The following DGKI variants were observed in gnomAD, a reference collection of about 807,000 sequenced individuals.
The protein encoded by DGKI is diacylglycerol kinase iota, also known as DAG kinase iota.
A neutral mutation model predicts 147.5 loss-of-function variants in DGKI; 55 were observed. That is an observed-to-expected ratio of 0.37 (90% CI 0.30 to 0.47). The LOEUF (loss-of-function observed/expected upper bound fraction) is 0.47. Among genes scored for constraint, DGKI ranks in the 20% least tolerant of loss-of-function variants. The probability of loss-of-function intolerance (pLI) is 1.00; values close to 1 mark genes in which losing one functional copy is unlikely to be tolerated. For synonymous variants in DGKI, 469 were observed against 477.1 expected (o/e 0.98, Z 0.22); for missense variants, 1,007 against 1,323.8 (o/e 0.76, Z 3.71).
intron 30 of DGKI, among the ~76,000 whole-genome samples, chr7:137,398,888 A>G (rs1041733860): frequency 6.6e-6 from 1 of 152,022 alleles, no homozygotes; most frequent in Non-Finnish European, 1.5e-5. Context: ...TATATCATCT[A>G]GATTTCTAGG....
chr7:137,495,809 C>A (rs775803792), intron 21 of DGKI, among the ~76,000 whole-genome samples: 28 of 152,200 alleles, frequency 1.8e-4, no homozygotes, highest in Non-Finnish European at 3.5e-4. Context: ...GAACATGCTT[C>A]AAAATAATAA....
chr7:137,534,427 C>G (rs1001295959), intron 20 of DGKI, among the ~76,000 whole-genome samples: 3 of 151,838 alleles, frequency 2.0e-5, no homozygotes, highest in Non-Finnish European at 4.4e-5. Flanking sequence ...TTTTCCTTCC[C>G]GTTTATAGTC....
chr7:137,718,172 G>A (rs973567953), intron 1 of DGKI, among the ~76,000 whole-genome samples: 18 of 152,252 alleles, frequency 1.2e-4, no homozygotes, highest in South Asian at 8.3e-4. Flanking sequence ...AGTGAGCAAC[G>A]GGGCATCCAC....
At chr7:137,447,843 A>G (rs1314591579) in intron 27 of DGKI, among the ~76,000 whole-genome samples, 5 of 152,350 alleles carry the variant, frequency 3.3e-5, no homozygotes, top group Admixed American at 6.5e-5. Flanking sequence ...ATTAAAAGGC[A>G]GAGCTCAAGT....
intron 1 of DGKI, among the ~76,000 whole-genome samples, chr7:137,753,036 G>A (rs1005123377): frequency 8.0e-6 from 1 of 124,986 alleles, no homozygotes; most frequent in Non-Finnish European, 1.6e-5. Flanking sequence ...TAGTACATAC[G>A]AATGTACATA....
In DGKI at chr7:137,459,320, G is replaced by A. The variant is rs1446739938; in HGVS notation, c.2735+4169C>T. ...GTTGCAATTTGGAGGAGAAAGGGCC[G>A]CTTGGCACAAAAATGCCCTGGGTGC... On this transcript the variant is annotated intron_variant, in intron 27 of 32. Coordinates refer to ENST00000614521, the MANE Select transcript of DGKI (RefSeq NM_001321708.2). Among the ~76,000 whole-genome samples the A allele has an allele frequency of 2.0e-5, 3 of 152,014 alleles. No homozygotes were observed. The South Asian group carries it at 6.2e-4, about 32-fold the overall frequency.
At chr7:137,704,534 C>T (rs1260523081) in intron 1 of DGKI, among the ~76,000 whole-genome samples, 2 of 151,920 alleles carry the variant, frequency 1.3e-5, no homozygotes, top group African/African-American at 4.8e-5. Context: ...GACCGTCAAG[C>T]ATACCAGCAT....
chr7:137,583,751 T>C (rs1005063081), intron 14 of DGKI, among the ~76,000 whole-genome samples: 5 of 152,154 alleles, frequency 3.3e-5, no homozygotes, highest in South Asian at 2.1e-4. Flanking sequence ...AATATCCATA[T>C]GGTACTCTTC....
At chr7:137,534,100 A>C (rs1319888100) in intron 20 of DGKI, among the ~76,000 whole-genome samples, 3 of 152,260 alleles carry the variant, frequency 2.0e-5, no homozygotes. Context: ...AATGAAACGC[A>C]CCTCACACTT....
At chr7:137,506,697 T>C (rs1277284013) in intron 21 of DGKI, among the ~76,000 whole-genome samples, 1 of 152,024 alleles carries the variant, frequency 6.6e-6, no homozygotes, top group Non-Finnish European at 1.5e-5. Context: ...TGTGGATAGG[T>C]TGCGGTAGGG....
At chr7:137,405,634 T>G (rs761680914) in intron 30 of DGKI, among the ~76,000 whole-genome samples, 6 of 152,206 alleles carry the variant, frequency 3.9e-5, no homozygotes, top group Non-Finnish European at 8.8e-5. Context: ...AAATCTGGGC[T>G]GGCCCTGTGA....
At chr7:137,447,806 G>A (rs914372016) in intron 27 of DGKI, among the ~76,000 whole-genome samples, 2 of 152,204 alleles carry the variant, frequency 1.3e-5, no homozygotes, top group African/African-American at 4.8e-5. Flanking sequence ...GCAGTGGAGA[G>A]TGAACCATAA....
intron 31 of DGKI, among the ~76,000 whole-genome samples, 190 bp downstream of exon 31, chr7:137,397,187 T>C (rs891520716): frequency 2.0e-5 from 3 of 152,238 alleles, no homozygotes; most frequent in East Asian, 1.9e-4. Flanking sequence ...ATTATGACAA[T>C]TGTCATCAAT....
At chr7:137,746,914 G>A (rs1242198720) in intron 1 of DGKI, among the ~76,000 whole-genome samples, 3 of 152,130 alleles carry the variant, frequency 2.0e-5, no homozygotes, top group Non-Finnish European at 4.4e-5. Context: ...CAAAACATCA[G>A]AGTTAGCCTG....
At chr7:137,700,736 G>A (rs1247101556) in intron 1 of DGKI, among the ~76,000 whole-genome samples, 4 of 152,128 alleles carry the variant, frequency 2.6e-5, no homozygotes, top group African/African-American at 7.2e-5. Flanking sequence ...AAACTAGCCA[G>A]GCATGGTGGC....
At chr7:137,718,180 C>T (rs920389533) in intron 1 of DGKI, among the ~76,000 whole-genome samples, 1 of 152,136 alleles carries the variant, frequency 6.6e-6, no homozygotes, top group Non-Finnish European at 1.5e-5. Context: ...ACGGGGCATC[C>T]ACTTTGTCGG....
Position 137,643,759 on chromosome 7 carries a change from C to A in DGKI, c.804+1713G>T, listed in dbSNP as rs62490473. 2.6e-3 allele frequency among the ~76,000 whole-genome samples: 395 copies of A among 152,204 alleles called. 2 individuals are homozygous for A. The highest frequency in any genetic ancestry group is 4.6e-3 in the Non-Finnish European group (314 of 67,992). On this transcript the variant is annotated intron_variant, in intron 6 of 32. Coordinates refer to ENST00000614521, the MANE Select transcript of DGKI (RefSeq NM_001321708.2). Reference sequence around the variant, plus strand: ...TCAGTTGACCATGCCAACAAGAGGCCAGAAGAGAGTGCAATATGGCACTAG... The same window carrying A: ...TCAGTTGACCATGCCAACAAGAGGCAAGAAGAGAGTGCAATATGGCACTAG...
rs576429869 is a variant in DGKI, at chr7:137,454,671, T to C, written c.2735+8818A>G. 6.6e-5 allele frequency: 10 copies of C among 152,222 alleles called. No homozygotes were observed. The South Asian group carries it at 1.0e-3, about 16-fold the overall frequency. The allele number at this position is 152,222 out of a possible 1,614,324, so 9.4% of individuals were successfully genotyped here. On this transcript the variant is annotated intron_variant, in intron 27 of 32. Coordinates refer to ENST00000614521, the MANE Select transcript of DGKI (RefSeq NM_001321708.2). ...CCTTTAGAAATCAGTCTCTGCAATA[T>C]AGTTGCCAGCCCACTTTCTAAAAAA...
chr7:137,782,793 C>A (rs142628970), intron 1 of DGKI, among the ~76,000 whole-genome samples: 8 of 152,334 alleles, frequency 5.3e-5, no homozygotes, highest in Admixed American at 3.3e-4. Context: ...GCTGAAAGAC[C>A]TGAAGATGGA....
Sources: allele counts gnomAD v4.1 joint callset (sites outside exome capture counted in the v4.1 genomes callset), GRCh38; gene constraint gnomAD v4.1.1; transcripts MANE v1.5; gene names NCBI Gene and HGNC (gene_info 2026-07-23, HGNC 2026-07-21).